The following TMEM54 variants were observed in gnomAD, a reference collection of about 807,000 sequenced individuals.
The protein encoded by TMEM54 is beta-casein-like protein.
A neutral mutation model predicts 21.3 loss-of-function variants in TMEM54; 21 were observed. The ratio of observed to expected loss-of-function variants is 0.99; its 90% confidence interval spans 0.70 to 1.42. The LOEUF is 1.42. Among genes scored for constraint, TMEM54 ranks in the 40% most tolerant of loss-of-function variants. The probability of loss-of-function intolerance (pLI) is 0.00; values close to 1 mark genes in which losing one functional copy is unlikely to be tolerated. For missense variants in TMEM54, 246 were observed against 294.0 expected (o/e 0.84, Z 1.19); for synonymous variants, 109 against 125.0 (o/e 0.87, Z 0.86).
chr1:32,898,214 G>A lies in TMEM54; in HGVS notation c.122C>T (p.Thr41Ile). 4 of 1,613,658 alleles carry A rather than the reference G, an allele frequency of 2.5e-6. No individual in the cohort carries two copies. The highest frequency in any genetic ancestry group is 3.4e-6 in the Non-Finnish European group (4 of 1,179,620). Residue 41 changes from threonine (T) to isoleucine (I), a missense_variant, in exon 2 of 6, where the codon ACA (threonine) becomes ATA (isoleucine). Coordinates refer to ENST00000373463, the MANE Select transcript of TMEM54 (RefSeq NM_033504.4). ...AGGGGTGCCCACGTAGCGCAGCACT[G>A]TGCCATGGAACAGGGCAGCTGTGAT... is the stretch of plus-strand genomic sequence containing the variant. ...SFITAALFHG[T>I]VLRYVGTPQD...
intron 1 of TMEM54, 102 bp from the exon 2 acceptor site, chr1:32,898,421 T>C (rs1228890568): frequency 8.7e-7 from 1 of 1,149,478 alleles, no homozygotes; most frequent in African/African-American, 1.5e-5. Flanking sequence ...GGGTTCTAAA[T>C]GTATTTCTGA....
In TMEM54 at chr1:32,901,300, G is replaced by A. The variant is rs1557549347; in HGVS notation, c.-62C>T. ...CGGCTCCCGAGGCTGCGGGCCGCCG[G>A]GGGACCCTGCTCCCATCCCGCTGGC... On this transcript the variant is annotated 5_prime_UTR_variant, in exon 1 of 6. Coordinates refer to ENST00000373463, the MANE Select transcript of TMEM54 (RefSeq NM_033504.4). This position sits in a 1 kb window ranked among gnomAD's most constrained non-coding sequence, Gnocchi z 4.2. The A allele has an allele frequency of 6.2e-6, 8 of 1,284,168 alleles. No homozygotes were observed. Among genetic ancestry groups the A allele is most frequent in the Non-Finnish European group, 4.9e-6 (5 of 1,010,122 alleles). 79.5% of individuals were successfully genotyped at this position (1,284,168 alleles called of 1,614,324 possible).
At chr1:32,898,508 G>C in intron 1 of TMEM54, 189 bp from the exon 2 acceptor site, 1 of 533,418 alleles carries the variant, frequency 1.9e-6, no homozygotes. Flanking sequence ...ATGCCTTTGT[G>C]AGAATCCTTG....
chr1:32,898,362 C>A, intron 1 of TMEM54, 43 bp from the exon 2 acceptor site: 1 of 1,546,070 alleles, frequency 6.5e-7, no homozygotes, highest in South Asian at 1.2e-5. Flanking sequence ...GGGGCTTATC[C>A]TGCTGGGCAG....
rs60869063 is a variant in TMEM54, at chr1:32,895,143, C to T, written c.594+162G>A. ...TGTGTGACTCTGCTGGGAGATCTCACCTCTCCCAGCCTCCAGGCCTCTCCC... is the reference window on the plus strand; with the variant it reads ...TGTGTGACTCTGCTGGGAGATCTCATCTCTCCCAGCCTCCAGGCCTCTCCC... On this transcript the variant is annotated intron_variant, in intron 5 of 5. Coordinates refer to ENST00000373463, the MANE Select transcript of TMEM54 (RefSeq NM_033504.4). This position sits in a 1 kb window ranked among gnomAD's most constrained non-coding sequence, Gnocchi z 5.8. Among the ~76,000 whole-genome samples the T allele has an allele frequency of 0.045, 6,797 of 152,210 alleles. 250 individuals are homozygous for T. The highest frequency in any genetic ancestry group is 0.13 in the Admixed American group (2,013 of 15,284).
At chr1:32,900,288 G>A (rs950872584) in intron 1 of TMEM54, among the ~76,000 whole-genome samples, 3 of 152,222 alleles carry the variant, frequency 2.0e-5, no homozygotes, top group African/African-American at 7.2e-5. Context: ...AGCCCAGGCT[G>A]GAGTGCACTG....
In TMEM54 at chr1:32,896,261, C is replaced by T. The variant is rs116447812; in HGVS notation, c.211-292G>A. 2,013 of 326,178 alleles carry T rather than the reference C, an allele frequency of 6.2e-3. 29 individuals carry two copies. The highest frequency in any genetic ancestry group is 0.038 in the African/African-American group (1,792 of 47,098). The allele number at this position is 326,178 out of a possible 1,614,324, so 20.2% of individuals were successfully genotyped here. A position where few individuals can be genotyped will look rare whatever the true frequency, so the allele number is the denominator to read the frequency against. On this transcript the variant is annotated intron_variant, in intron 2 of 5. Transcript: ENST00000373463. The surrounding 1 kb of genome is among the most constrained non-coding windows in gnomAD (Gnocchi z 4.1). ...GTATCCTGGGGCCACCGGGGCATGCCAGGGTATGCATGGGACACCCCTTTC... is the reference window on the plus strand; with the variant it reads ...GTATCCTGGGGCCACCGGGGCATGCTAGGGTATGCATGGGACACCCCTTTC...
rs1641596338 is a variant in TMEM54 at position 32,896,163 on chromosome 1, C to T, written c.211-194G>A. The T allele has an allele frequency of 1.7e-6, 1 of 576,504 alleles. No individual in the cohort carries two copies. The highest frequency in any genetic ancestry group is 3.3e-5 in the Admixed American group (1 of 30,308). The allele number at this position is 576,504 out of a possible 1,614,324, so 35.7% of individuals were successfully genotyped here. On this transcript the variant is annotated intron_variant, in intron 2 of 5. Coordinates refer to ENST00000373463, the MANE Select transcript of TMEM54 (RefSeq NM_033504.4). This position sits in a 1 kb window ranked among gnomAD's most constrained non-coding sequence, Gnocchi z 4.1. Reference sequence around the variant, plus strand: ...CATAGTCCAGCCTGACATGATGTTTCTAAAACAGTCACTCCCTCTCTACAA... The same window carrying T: ...CATAGTCCAGCCTGACATGATGTTTTTAAAACAGTCACTCCCTCTCTACAA...
Position 32,897,990 on chromosome 1 carries a change from T to TTACCAAC in TMEM54, c.210+135_210+136insGTTGGTA. On this transcript the variant is annotated intron_variant, in intron 2 of 5. Transcript: ENST00000373463. This position sits in a 1 kb window ranked among gnomAD's most constrained non-coding sequence, Gnocchi z 4.9. ...TGAAGAAGTTGAGTGACTTGGGCAG[T>TTACCAAC]TGGTAAGTGGCAGACAAAGGGTTAG... The TTACCAAC allele has an allele frequency of 1.5e-5, 11 of 755,106 alleles. No individual in the cohort carries two copies. Among genetic ancestry groups the TTACCAAC allele is most frequent in the Non-Finnish European group, 2.4e-5 (11 of 467,808 alleles). 46.8% of individuals were successfully genotyped at this position (755,106 alleles called of 1,614,324 possible). A position where few individuals can be genotyped will look rare whatever the true frequency, so the allele number is the denominator to read the frequency against.
Position 32,901,178 on chromosome 1 carries a change from G to C in TMEM54, c.16+45C>G. On this transcript the variant is annotated intron_variant, in intron 1 of 5. Coordinates refer to ENST00000373463, the MANE Select transcript of TMEM54 (RefSeq NM_033504.4). This position sits in a 1 kb window ranked among gnomAD's most constrained non-coding sequence, Gnocchi z 4.2. ...GGCTCAGTGCTCCGCTCCTGTGGGA[G>C]GGTTGGGGTGGTTCGGGGCCTCCCG... 1.4e-6 allele frequency: 2 copies of C among 1,467,486 alleles called. No homozygotes were observed. Among genetic ancestry groups the C allele is most frequent in the Non-Finnish European group, 1.8e-6 (2 of 1,093,632 alleles). 90.9% of individuals were successfully genotyped at this position (1,467,486 alleles called of 1,614,324 possible).
rs1429879515 is a variant in TMEM54 at position 32,895,076 on chromosome 1, C to T, written c.595-197G>A. ...GCGAGCCCAGACACCCCTGCCCCTC[C>T]CTCAAGACTCATCCTGGGCCCTAGG... On this transcript the variant is annotated intron_variant, in intron 5 of 5. Transcript: ENST00000373463. The surrounding 1 kb of genome is among the most constrained non-coding windows in gnomAD (Gnocchi z 5.8). 3.6e-6 allele frequency: 3 copies of T among 835,808 alleles called. No individual in the cohort carries two copies. The highest frequency in any genetic ancestry group is 4.3e-6 in the Non-Finnish European group (3 of 693,448). The allele number at this position is 835,808 out of a possible 1,614,324, so 51.8% of individuals were successfully genotyped here.
chr1:32,899,906 A>G (rs534371398), intron 1 of TMEM54, among the ~76,000 whole-genome samples: 1 of 152,048 alleles, frequency 6.6e-6, no homozygotes, highest in Non-Finnish European at 1.5e-5. Flanking sequence ...AGTGTCTGAG[A>G]CCCCTGGAGA....
chr1:32,895,885 C>A lies in TMEM54; in HGVS notation c.270+25G>T. ...TGCTGCCCCTACCCTTCCCTCACAG[C>A]CCCATCCCAGGAGGCACCACGTACC... On this transcript the variant is annotated intron_variant, in intron 3 of 5. Transcript: ENST00000373463. This position sits in a 1 kb window ranked among gnomAD's most constrained non-coding sequence, Gnocchi z 5.8. 2 of 1,606,802 alleles carry A rather than the reference C, an allele frequency of 1.2e-6. No individual in the cohort carries two copies. Among genetic ancestry groups the A allele is most frequent in the Admixed American group, 1.7e-5 (1 of 59,420 alleles).
chr1:32,898,535 C>A (rs1164273465), intron 1 of TMEM54: 17 of 498,776 alleles, frequency 3.4e-5, no homozygotes, highest in Non-Finnish European at 5.7e-5. Flanking sequence ...TAAGGCTGGA[C>A]AAGCACACAG....
Position 32,898,000 on chromosome 1 carries a change from GCAGA to G in TMEM54, c.210+122_210+125del, listed in dbSNP as rs1641636962. ...GAGTGACTTGGGCAGTTGGTAAGTG[GCAGA>G]CAAAGGGTTAGTCCTTGAGGCTGTC... On this transcript the variant is annotated intron_variant, in intron 2 of 5. Transcript: ENST00000373463. This position sits in a 1 kb window ranked among gnomAD's most constrained non-coding sequence, Gnocchi z 4.9. 4.8e-6 allele frequency: 4 copies of G among 836,684 alleles called. No homozygotes were observed. In the Admixed American group the frequency reaches 1.1e-4, roughly 23 times the overall value. 51.8% of individuals were successfully genotyped at this position (836,684 alleles called of 1,614,324 possible).
At chr1:32,898,611 C>T (rs546402909) in intron 1 of TMEM54, among the ~76,000 whole-genome samples, 16 of 152,284 alleles carry the variant, frequency 1.1e-4, no homozygotes, top group African/African-American at 3.6e-4. Context: ...GCTCAGGTCT[C>T]TAGCTCTAGA....
At chr1:32,900,181 C>T (rs546762832) in intron 1 of TMEM54, among the ~76,000 whole-genome samples, 4 of 152,286 alleles carry the variant, frequency 2.6e-5, no homozygotes, top group Admixed American at 1.3e-4. Flanking sequence ...AGAGGAGGCA[C>T]GGTGCCAGCA....
rs1459431166 is a variant in TMEM54 at position 32,897,799 on chromosome 1, G to C, written c.210+327C>G. ...ACCTCCTGCTCCTTTCTTCTGTCCA[G>C]TGGTGCTGTGGCTATTCCTCGATGT... On this transcript the variant is annotated intron_variant, in intron 2 of 5. Transcript: ENST00000373463. This position sits in a 1 kb window ranked among gnomAD's most constrained non-coding sequence, Gnocchi z 4.9. 2 of 226,676 alleles carry C rather than the reference G, an allele frequency of 8.8e-6. No homozygotes were observed. Among genetic ancestry groups the C allele is most frequent in the African/African-American group, 2.2e-5 (1 of 44,930 alleles). 14.0% of individuals were successfully genotyped at this position (226,676 alleles called of 1,614,324 possible).
intron 1 of TMEM54, among the ~76,000 whole-genome samples, chr1:32,898,812 G>A (rs1408886735): frequency 6.6e-6 from 1 of 152,220 alleles, no homozygotes; most frequent in Non-Finnish European, 1.5e-5. Flanking sequence ...CACGGATAGG[G>A]CCTGGTACAC....
Sources: allele counts gnomAD v4.1 joint callset (sites outside exome capture counted in the v4.1 genomes callset), GRCh38; gene constraint gnomAD v4.1.1; non-coding constraint Gnocchi (gnomAD v3.1); transcripts MANE v1.5; gene names NCBI Gene and HGNC (gene_info 2026-07-23, HGNC 2026-07-21).